The following ABLIM1 variants were observed in gnomAD, a reference collection of about 807,000 sequenced individuals.
ABLIM1 encodes actin-binding LIM protein 1.
A neutral mutation model predicts 107.0 loss-of-function variants in ABLIM1; 40 were observed. The observed-to-expected ratio is 0.37, with a 90% CI of 0.29 to 0.49. The LOEUF (loss-of-function observed/expected upper bound fraction) is 0.49. Ranked by LOEUF, ABLIM1 falls within the 20% of genes least tolerant of loss-of-function variation. The pLI, the probability that ABLIM1 is intolerant of heterozygous loss-of-function variation, is 0.97. For missense variants in ABLIM1, 857 were observed against 1,008.5 expected, an observed-to-expected ratio of 0.85 and a Z score of 2.04; for synonymous variants, 357 against 357.3, an observed-to-expected ratio of 1.00 and a Z score of 0.01.
At chr10:114,748,303 T>C (rs1328631107) in intron 1 of ABLIM1, among the ~76,000 whole-genome samples, 1 of 152,098 alleles carries the variant, frequency 6.6e-6, no homozygotes, top group Non-Finnish European at 1.5e-5. Context: ...TAAACAGACA[T>C]GAAATTAGAT....
At chr10:114,437,321 CTT>C (rs1314987276) in intron 22 of ABLIM1, among the ~76,000 whole-genome samples, 35 of 134,506 alleles carry the variant, frequency 2.6e-4, no homozygotes, top group Admixed American at 3.0e-4. Context: ...TTCTTTCTTT[CTT>C]TTTTTTTTTT....
chr10:114,602,904 G>A (rs1183331822), intron 1 of ABLIM1, among the ~76,000 whole-genome samples: 2 of 152,178 alleles, frequency 1.3e-5, no homozygotes, highest in Non-Finnish European at 2.9e-5. Flanking sequence ...AAGGCAGTGA[G>A]GGGACACTTG....
At chr10:114,562,896 T>A (rs2069977507) in intron 4 of ABLIM1, among the ~76,000 whole-genome samples, 1 of 152,150 alleles carries the variant, frequency 6.6e-6, no homozygotes, top group Non-Finnish European at 1.5e-5. Context: ...TGCCGTTCAG[T>A]AGCTGACGGT....
intron 1 of ABLIM1, among the ~76,000 whole-genome samples, chr10:114,704,632 G>A (rs1162591404): frequency 1.3e-5 from 2 of 151,146 alleles, no homozygotes; most frequent in African/African-American, 4.9e-5. Context: ...GTCATTCTAA[G>A]GGGGGTGGGG....
At chr10:114,548,321 T>G (rs1422832050) in intron 4 of ABLIM1, among the ~76,000 whole-genome samples, 2 of 152,218 alleles carry the variant, frequency 1.3e-5, no homozygotes, top group African/African-American at 4.8e-5. Context: ...CTTAATTCCT[T>G]AGCTCTCAAT....
chr10:114,649,852 T>C (rs962234297), intron 1 of ABLIM1, among the ~76,000 whole-genome samples: 1 of 75,522 alleles, frequency 1.3e-5, no homozygotes, highest in Non-Finnish European at 2.5e-5. Flanking sequence ...ATATCCCCCC[T>C]CTTTTTTTTC....
intron 6 of ABLIM1, among the ~76,000 whole-genome samples, chr10:114,523,937 C>T (rs916958963): frequency 7.2e-5 from 11 of 152,098 alleles, no homozygotes; most frequent in Non-Finnish European, 1.5e-5. Flanking sequence ...ATTTTAATTA[C>T]GAAGAACTGT....
chr10:114,709,233 C>T (rs982519480), intron 1 of ABLIM1, among the ~76,000 whole-genome samples: 1 of 152,060 alleles, frequency 6.6e-6, no homozygotes, highest in Non-Finnish European at 1.5e-5. Context: ...CCTTAGCACC[C>T]AACACTGGAG....
At chr10:114,625,863 A>G (rs1188170489) in intron 1 of ABLIM1, among the ~76,000 whole-genome samples, 3 of 152,162 alleles carry the variant, frequency 2.0e-5, no homozygotes, top group Admixed American at 2.0e-4. Flanking sequence ...TCCCTCACCT[A>G]TTAGGGGGAA....
In ABLIM1 at chr10:114,579,381, T is replaced by C. The variant is rs539886025; in HGVS notation, c.380-3782A>G. 5.3e-5 allele frequency among the ~76,000 whole-genome samples: 8 copies of C among 152,300 alleles called. No homozygotes were observed. In the East Asian group the frequency reaches 9.6e-4, roughly 18 times the overall value. On this transcript the variant is annotated intron_variant, in intron 2 of 22. Transcript: ENST00000533213. ...CAGACATTGATCTGTCTGTGATATA[T>C]TGTTCAGTGAAAAGAACAAATGTCA...
chr10:114,744,995 C>G (rs2082353978), intron 1 of ABLIM1, among the ~76,000 whole-genome samples: 1 of 152,154 alleles, frequency 6.6e-6, no homozygotes, highest in Admixed American at 6.6e-5. Flanking sequence ...TTGCCCCTCT[C>G]CCCAGATAGG....
intron 6 of ABLIM1, among the ~76,000 whole-genome samples, chr10:114,519,936 C>T (rs533680708): frequency 3.9e-5 from 6 of 152,350 alleles, no homozygotes; most frequent in African/African-American, 9.6e-5. Context: ...CCAAGGAAAG[C>T]TTTGACGGAC....
rs2081440291 is a variant in ABLIM1 at position 114,707,135 on chromosome 10, T to C, written c.-213+60926A>G. 6.6e-6 allele frequency among the ~76,000 whole-genome samples: 1 copy of C among 152,190 alleles called. No individual in the cohort carries two copies. The highest frequency in any genetic ancestry group is 1.5e-5 in the Non-Finnish European group (1 of 68,024). The stretch of plus-strand genomic sequence containing the variant: ...CCTAATATATCAAAAATACTGTCAT[T>C]TCAAACGTGGTCAATGACCACATGT... On this transcript the variant is annotated intron_variant, in intron 1 of 15. Coordinates refer to the ABLIM1 transcript ENST00000651092. The surrounding 1 kb of genome is among the most constrained non-coding windows in gnomAD (Gnocchi z 4.1).
intron 12 of ABLIM1, among the ~76,000 whole-genome samples, chr10:114,457,598 G>C (rs946065526): frequency 1.3e-5 from 2 of 152,070 alleles, no homozygotes; most frequent in African/African-American, 4.8e-5. Flanking sequence ...ATATAACTTT[G>C]AACCCAACCC....
At chr10:114,686,506 C>A (rs1445899295), upstream of ABLIM1, among the ~76,000 whole-genome samples, 1 of 148,186 alleles carries the variant, frequency 6.7e-6, no homozygotes, top group African/African-American at 2.4e-5. Context: ...GGGTGAGACC[C>A]CGTCTCAAAA....
Position 114,717,068 on chromosome 10 carries a change from C to T in ABLIM1, c.-213+50993G>A, listed in dbSNP as rs868835128. On this transcript the variant is annotated intron_variant, in intron 1 of 15. Coordinates refer to the ABLIM1 transcript ENST00000651092. ...TTCATTCATTCATTCATTCATTCAACCAATGTCTACTGAGCCCCTAGTACT... is the reference window on the plus strand; with the variant it reads ...TTCATTCATTCATTCATTCATTCAATCAATGTCTACTGAGCCCCTAGTACT... Among the ~76,000 whole-genome samples, 27 of 141,998 alleles carry T rather than the reference C, an allele frequency of 1.9e-4. 1 individual carries two copies. In the Middle Eastern group the frequency reaches 0.02, roughly 103 times the overall value. The allele number at this position is 141,998 out of a possible 152,430, so 93.2% of individuals were successfully genotyped here. A position where few individuals can be genotyped will look rare whatever the true frequency, so the allele number is the denominator to read the frequency against.
intron 1 of ABLIM1, among the ~76,000 whole-genome samples, chr10:114,667,114 T>G (rs959818438): frequency 1.3e-5 from 2 of 152,214 alleles, no homozygotes; most frequent in Non-Finnish European, 2.9e-5. Context: ...TATTAGTTAT[T>G]ATAAAAGCTG....
chr10:114,800,494 T>C, the ABLIM1 span, among the ~76,000 whole-genome samples: 7 of 152,184 alleles, frequency 4.6e-5, no homozygotes, highest in Non-Finnish European at 5.9e-5. Flanking sequence ...TTACCAAAAG[T>C]TGCTCACTAC....
At chr10:114,565,788 CTTTTTTTTTTTT>C (rs577896964) in intron 4 of ABLIM1, among the ~76,000 whole-genome samples, 4 of 101,070 alleles carry the variant, frequency 4.0e-5, no homozygotes, top group Non-Finnish European at 5.9e-5. Flanking sequence ...GAAATGATTT[CTTTTTTTTTTTT>C]TTTTTTTTTT....
Sources: allele counts gnomAD v4.1 joint callset (sites outside exome capture counted in the v4.1 genomes callset), GRCh38; gene constraint gnomAD v4.1.1; non-coding constraint Gnocchi (gnomAD v3.1); transcripts MANE v1.5; gene names NCBI Gene and HGNC (gene_info 2026-07-23, HGNC 2026-07-21).